Variants in BCKDHB observed in about 807,000 individuals in gnomAD.
The protein encoded by BCKDHB is 2-oxoisovalerate dehydrogenase subunit beta, mitochondrial.
A neutral mutation model predicts 48.5 loss-of-function variants in BCKDHB; 41 were observed. The observed-to-expected ratio is 0.85, with a 90% CI of 0.66 to 1.10. BCKDHB has a LOEUF of 1.10. Ranked by LOEUF, BCKDHB falls within the 50% of genes least tolerant of loss-of-function variation. BCKDHB has a pLI of 0.00. For missense variants in BCKDHB, 496 were observed against 494.2 expected (o/e 1.00, Z -0.03); for synonymous variants, 201 against 174.8 (o/e 1.15, Z -1.18).
chr6:80,325,710 T>G (rs1768998527), intron 9 of BCKDHB, among the ~76,000 whole-genome samples: 1 of 152,190 alleles, frequency 6.6e-6, no homozygotes, highest in African/African-American at 2.4e-5. Flanking sequence ...TTTGGAAGTT[T>G]AAATTGTCAA....
At chr6:80,118,655 A>G (rs893812142) in intron 1 of BCKDHB, among the ~76,000 whole-genome samples, 10 of 152,170 alleles carry the variant, frequency 6.6e-5, no homozygotes, top group Non-Finnish European at 1.2e-4. Flanking sequence ...ATTGAAATCA[A>G]TTCTCCCAAA....
chr6:80,110,693 G>A (rs1462961446), intron 1 of BCKDHB, among the ~76,000 whole-genome samples: 3 of 152,260 alleles, frequency 2.0e-5, no homozygotes, highest in African/African-American at 7.2e-5. Flanking sequence ...CTTGGCACCT[G>A]AGCCAGGAGG....
the BCKDHB span, among the ~76,000 whole-genome samples, chr6:80,438,613 G>A: frequency 5.3e-5 from 8 of 151,976 alleles, no homozygotes; most frequent in African/African-American, 1.7e-4. Flanking sequence ...TAGTAAATGA[G>A]AAATATTTAT....
chr6:80,113,033 A>G (rs1045843534), intron 1 of BCKDHB, among the ~76,000 whole-genome samples: 23 of 152,218 alleles, frequency 1.5e-4, no homozygotes, highest in African/African-American at 4.3e-4. Flanking sequence ...GTCAGATAGA[A>G]TAGGAGAAAG....
chr6:80,296,242 AC>A (rs1477200710), intron 9 of BCKDHB, among the ~76,000 whole-genome samples: 1 of 152,190 alleles, frequency 6.6e-6, no homozygotes, highest in African/African-American at 2.4e-5. Context: ...ATTATAAACC[AC>A]CTTTTGAAGA....
At chr6:80,328,418 T>C (rs952561822) in intron 9 of BCKDHB, among the ~76,000 whole-genome samples, 1 of 152,212 alleles carries the variant, frequency 6.6e-6, no homozygotes, top group Non-Finnish European at 1.5e-5. Context: ...CTCGTCTCCT[T>C]TCTAATACAA....
chr6:80,200,051 G>A (rs1774314244), intron 6 of BCKDHB, among the ~76,000 whole-genome samples: 1 of 115,136 alleles, frequency 8.7e-6, no homozygotes, highest in South Asian at 3.0e-4. Context: ...GTGACAGAGT[G>A]AGACCCTGTC....
chr6:80,441,570 C>T, the BCKDHB span, among the ~76,000 whole-genome samples: 3 of 152,138 alleles, frequency 2.0e-5, no homozygotes, highest in Admixed American at 1.3e-4. Flanking sequence ...ATATAATAAA[C>T]AGACAAAGAT....
At chr6:80,170,549 A>G (rs535847220) in intron 5 of BCKDHB, among the ~76,000 whole-genome samples, 3 of 152,166 alleles carry the variant, frequency 2.0e-5, no homozygotes, top group Non-Finnish European at 4.4e-5. Context: ...CTCAGTGTCT[A>G]TTTCTAAAAT....
intron 9 of BCKDHB, among the ~76,000 whole-genome samples, chr6:80,295,720 A>G (rs925615885): frequency 6.6e-6 from 1 of 152,168 alleles, no homozygotes; most frequent in Non-Finnish European, 1.5e-5. Flanking sequence ...TGGAGAAAGT[A>G]GGTAGAAACA....
the BCKDHB span, among the ~76,000 whole-genome samples, chr6:80,451,528 G>A: frequency 0.17 from 25,660 of 152,000 alleles, 2,730 homozygotes; most frequent in East Asian, 0.34. Context: ...ACTTGAGGCC[G>A]AGAGTTCGAA....
At chr6:80,120,133 T>C (rs1332058030) in intron 1 of BCKDHB, among the ~76,000 whole-genome samples, 2 of 152,208 alleles carry the variant, frequency 1.3e-5, no homozygotes, top group Admixed American at 6.5e-5. Flanking sequence ...GTCCTTGTGA[T>C]AGTTTGCTGA....
downstream of BCKDHB, among the ~76,000 whole-genome samples, chr6:80,348,891 C>T (rs1214008290): frequency 1.3e-5 from 2 of 152,132 alleles, no homozygotes; most frequent in South Asian, 2.1e-4. Flanking sequence ...ACCCTGGCAC[C>T]TCTCTGAATA....
At chr6:80,216,451 A>AT (rs368026039) in intron 8 of BCKDHB, among the ~76,000 whole-genome samples, 5 of 151,908 alleles carry the variant, frequency 3.3e-5, no homozygotes, top group Non-Finnish European at 5.9e-5. Flanking sequence ...TTCATTTAGC[A>AT]TTTTTTTTCC....
rs575596290 is a variant in BCKDHB at position 80,144,251 on chromosome 6, T to C, written c.343+15022T>C. Among the ~76,000 whole-genome samples, 6 of 152,328 alleles carry C rather than the reference T, an allele frequency of 3.9e-5. No individual in the cohort carries two copies. In the South Asian group the frequency reaches 6.2e-4, roughly 16 times the overall value. ...GGATGGACCTGAAAAGGAAAACTTA[T>C]CGTGTTCTTAACAAATTCATAAGTC... On this transcript the variant is annotated intron_variant, in intron 3 of 9. Transcript: ENST00000320393.
At chr6:80,466,590 C>CAT in the BCKDHB span, among the ~76,000 whole-genome samples, 1 of 152,150 alleles carries the variant, frequency 6.6e-6, no homozygotes, top group African/African-American at 2.4e-5. Flanking sequence ...ACAACATAGA[C>CAT]ATATATCAAA....
At chr6:80,160,402 C>T (rs1175453285) in intron 3 of BCKDHB, among the ~76,000 whole-genome samples, 1 of 152,166 alleles carries the variant, frequency 6.6e-6, no homozygotes, top group African/African-American at 2.4e-5. Context: ...AAGTGATCCG[C>T]CCACCTCAGC....
At chr6:80,363,635 A>G in the BCKDHB span, among the ~76,000 whole-genome samples, 3 of 152,218 alleles carry the variant, frequency 2.0e-5, no homozygotes, top group Non-Finnish European at 2.9e-5. Context: ...ACTGTCATAC[A>G]TACTTTATTG....
chr6:80,119,665 A>G (rs1769901658), intron 1 of BCKDHB, among the ~76,000 whole-genome samples: 1 of 152,208 alleles, frequency 6.6e-6, no homozygotes, highest in South Asian at 2.1e-4. Context: ...AACATTCTAA[A>G]TGGCATCTAG....
Sources: gnomAD v4.1 joint callset for allele counts (sites outside exome capture counted in the v4.1 genomes callset) on GRCh38, gnomAD v4.1.1 for gene constraint, MANE v1.5 for transcripts, NCBI Gene and HGNC (gene_info 2026-07-23, HGNC 2026-07-21) for gene names.